RAB7A: variants seen among roughly 807,000 people sequenced by gnomAD.
The protein encoded by RAB7A is ras-related protein Rab-7a.
A neutral mutation model predicts 24.5 loss-of-function variants in RAB7A; 2 were observed. The ratio of observed to expected loss-of-function variants is 0.08; its 90% CI spans 0.03 to 0.26. The LOEUF (loss-of-function observed/expected upper bound fraction) is 0.26. RAB7A is among the 10% of genes least tolerant of loss of function. The probability of loss-of-function intolerance (pLI) is 1.00; values close to 1 mark genes in which losing one functional copy is unlikely to be tolerated. For missense variants in RAB7A, 118 were observed against 255.7 expected (o/e 0.46, Z 3.67); for synonymous variants, 100 against 95.9 (o/e 1.04, Z -0.25).
intron 1 of RAB7A, among the ~76,000 whole-genome samples, chr3:128,788,110 C>T (rs1933379093): frequency 6.6e-6 from 1 of 152,184 alleles, no homozygotes; most frequent in South Asian, 2.1e-4. Flanking sequence ...GTTTCTACAC[C>T]ATAGATGCTA....
intron 5 of RAB7A, among the ~76,000 whole-genome samples, chr3:128,808,951 G>T (rs151096098): frequency 6.6e-6 from 1 of 152,172 alleles, no homozygotes. Flanking sequence ...TACTCAATGA[G>T]GAAATTGTTC....
intron 1 of RAB7A, among the ~76,000 whole-genome samples, chr3:128,789,611 G>A (rs1014588263): frequency 7.9e-5 from 12 of 152,066 alleles, no homozygotes; most frequent in Non-Finnish European, 1.6e-4. Flanking sequence ...GGGATTACAG[G>A]CATGAGTCAC....
intron 1 of RAB7A, among the ~76,000 whole-genome samples, chr3:128,766,141 A>G (rs2070829183): frequency 6.6e-6 from 1 of 152,216 alleles, no homozygotes; most frequent in South Asian, 2.1e-4. Context: ...CATTCAGACC[A>G]GAGCAGCCCC....
chr3:128,785,746 CAAA>C (rs35368201), intron 1 of RAB7A, among the ~76,000 whole-genome samples: 9 of 86,690 alleles, frequency 1.0e-4, no homozygotes, highest in Non-Finnish European at 4.9e-5. Flanking sequence ...AAGACTGTCT[CAAA>C]AAAAAAAAAA....
intron 1 of RAB7A, among the ~76,000 whole-genome samples, chr3:128,760,165 C>T (rs1488710890): frequency 2.0e-5 from 3 of 152,130 alleles, no homozygotes; most frequent in East Asian, 1.9e-4. Context: ...GCTTCATCCA[C>T]GGGAGGCTGC....
chr3:128,753,739 TC>T (rs2107592615), intron 1 of RAB7A, among the ~76,000 whole-genome samples: 1 of 152,274 alleles, frequency 6.6e-6, no homozygotes, highest in Admixed American at 6.5e-5. Context: ...TTATATAAAG[TC>T]ATTAATCCTA....
chr3:128,756,117 C>T (rs1293408022), intron 1 of RAB7A, among the ~76,000 whole-genome samples: 2 of 152,160 alleles, frequency 1.3e-5, no homozygotes, highest in African/African-American at 4.8e-5. Context: ...GCGGGTGGAT[C>T]ACAAGGTCAG....
At chr3:128,812,705 A>C (rs1346651622) in intron 5 of RAB7A, among the ~76,000 whole-genome samples, 1 of 152,236 alleles carries the variant, frequency 6.6e-6, no homozygotes. Flanking sequence ...GATGGTGATA[A>C]AATTCATTCA....
At chr3:128,757,589 A>G (rs1432824210) in intron 1 of RAB7A, among the ~76,000 whole-genome samples, 1 of 151,510 alleles carries the variant, frequency 6.6e-6, no homozygotes, top group Non-Finnish European at 1.5e-5. Context: ...GCATGATCTC[A>G]GCTCACTGCA....
intron 1 of RAB7A, among the ~76,000 whole-genome samples, chr3:128,767,919 T>G (rs1185910490): frequency 1.3e-5 from 2 of 152,216 alleles, no homozygotes; most frequent in Non-Finnish European, 2.9e-5. Flanking sequence ...GCCATACATG[T>G]TGAAACTATA....
chr3:128,743,830 C>A (rs1299012712), intron 1 of RAB7A, among the ~76,000 whole-genome samples: 2 of 150,736 alleles, frequency 1.3e-5, no homozygotes, highest in African/African-American at 2.4e-5. Context: ...CGCTCTGTCT[C>A]CCAGGCTGGA....
chr3:128,754,419 T>A (rs1293759003), intron 1 of RAB7A, among the ~76,000 whole-genome samples: 1 of 152,116 alleles, frequency 6.6e-6, no homozygotes, highest in African/African-American at 2.4e-5. Context: ...CTGTAGGATA[T>A]ACACAAAAGG....
intron 1 of RAB7A, among the ~76,000 whole-genome samples, chr3:128,786,851 A>T (rs145493900): frequency 6.6e-6 from 1 of 152,362 alleles, no homozygotes; most frequent in African/African-American, 2.4e-5. Flanking sequence ...GGTTCATCTC[A>T]TCATAATTGA....
intron 1 of RAB7A, among the ~76,000 whole-genome samples, chr3:128,727,238 C>G (rs181666122): frequency 6.6e-6 from 1 of 152,210 alleles, no homozygotes; most frequent in Non-Finnish European, 1.5e-5. Context: ...GTTGTGCCCA[C>G]TTAACACAGT....
chr3:128,752,409 TAAAAAG>T (rs2070695299), intron 1 of RAB7A, among the ~76,000 whole-genome samples: 2 of 129,626 alleles, frequency 1.5e-5, no homozygotes, highest in African/African-American at 5.7e-5. Context: ...GATGAGAAAA[TAAAAAG>T]AAAAAATAAT....
At chr3:128,758,316 A>T (rs1293342563) in intron 1 of RAB7A, among the ~76,000 whole-genome samples, 1 of 136,862 alleles carries the variant, frequency 7.3e-6, no homozygotes, top group Non-Finnish European at 1.5e-5. Context: ...TCTGTCGCCC[A>T]GGCTGGAGTG....
At chr3:128,740,062 A>G (rs1356891086) in intron 1 of RAB7A, among the ~76,000 whole-genome samples, 2 of 150,256 alleles carry the variant, frequency 1.3e-5, no homozygotes, top group Admixed American at 6.6e-5. Context: ...GCGAAACTCC[A>G]TCTCAAAAAA....
chr3:128,800,339 G>C (rs1933671535), intron 3 of RAB7A, among the ~76,000 whole-genome samples: 1 of 152,166 alleles, frequency 6.6e-6, no homozygotes, highest in Non-Finnish European at 1.5e-5. Flanking sequence ...TTTTGCTGAG[G>C]GAAAATAGAA....
At chr3:128,781,763 C>T (rs138376834) in intron 1 of RAB7A, among the ~76,000 whole-genome samples, 31 of 151,926 alleles carry the variant, frequency 2.0e-4, no homozygotes, top group African/African-American at 7.2e-4. Context: ...ACTGTAATCC[C>T]AGCACTTTGG....
Sources: gnomAD v4.1 joint callset for allele counts (sites outside exome capture counted in the v4.1 genomes callset) on GRCh38, gnomAD v4.1.1 for gene constraint, MANE v1.5 for transcripts, NCBI Gene and HGNC (gene_info 2026-07-23, HGNC 2026-07-21) for gene names.